Variants in NINJ2 observed in about 807,000 individuals in gnomAD.
NINJ2 encodes ninjurin-2.
A neutral mutation model predicts 11.7 loss-of-function variants in NINJ2; 12 were observed. The ratio of observed to expected loss-of-function variants is 1.02; its 90% CI spans 0.66 to 1.66. NINJ2 has a LOEUF of 1.66. NINJ2 is among the 40% of genes most tolerant of loss of function. The pLI, the probability that NINJ2 is intolerant of heterozygous loss-of-function variation, is 0.00. For missense variants in NINJ2, 187 were observed against 181.8 expected, an observed-to-expected ratio of 1.03 and a Z score of -0.16; for synonymous variants, 93 against 76.8, an observed-to-expected ratio of 1.21 and a Z score of -1.10.
chr12:661,694 A>G (rs1937960017), intron 1 of NINJ2, among the ~76,000 whole-genome samples: 1 of 152,226 alleles, frequency 6.6e-6, no homozygotes, highest in South Asian at 2.1e-4. Flanking sequence ...AAGCAGCAAC[A>G]CAATTTCCTT....
chr12:610,382 G>T, intron 1 of NINJ2: 1 of 1,535,540 alleles, frequency 6.5e-7, no homozygotes. Context: ...TTGCTGACTT[G>T]GAACTGAAGC....
intron 1 of NINJ2, among the ~76,000 whole-genome samples, chr12:570,639 C>CCGGACTCTT (rs1947363310): frequency 6.6e-6 from 1 of 152,194 alleles, no homozygotes; most frequent in African/African-American, 2.4e-5. Flanking sequence ...TCCCGTTTCG[C>CCGGACTCTT]CGGACTCTTC....
At chr12:577,448 T>TATACATATA in intron 1 of NINJ2, among the ~76,000 whole-genome samples, 3 of 141,978 alleles carry the variant, frequency 2.1e-5, no homozygotes, top group Non-Finnish European at 4.6e-5. Flanking sequence ...TATATAAATA[T>TATACATATA]TTTGGCACGA....
intron 1 of NINJ2, among the ~76,000 whole-genome samples, chr12:601,983 G>C (rs569112116): frequency 1.2e-4 from 19 of 152,206 alleles, no homozygotes; most frequent in Non-Finnish European, 2.5e-4. Context: ...TTAAGGTACT[G>C]ACATCCCCAG....
intron 1 of NINJ2, among the ~76,000 whole-genome samples, chr12:629,896 A>AT (rs1555166136): frequency 2.0e-3 from 20 of 9,896 alleles, no homozygotes; most frequent in Admixed American, 2.9e-3. Context: ...AAAAAAAAAA[A>AT]ATATATATAT....
chr12:663,287 A>G (rs772123833), intron 1 of NINJ2, 41 bp downstream of exon 1: 4 of 1,581,078 alleles, frequency 2.5e-6, no homozygotes, highest in South Asian at 2.2e-5. Context: ...CTTCACCTCT[A>G]CTCCCGGTCT....
At chr12:601,357 T>C (rs2109551) in intron 1 of NINJ2, among the ~76,000 whole-genome samples, 16,248 of 149,010 alleles carry the variant, frequency 0.11, 1,334 homozygotes, top group African/African-American at 0.23. Context: ...CCATCCTGGC[T>C]AACACAGTGA....
intron 1 of NINJ2, among the ~76,000 whole-genome samples, chr12:606,779 T>C (rs193217383): frequency 1.1e-3 from 172 of 152,260 alleles, no homozygotes; most frequent in African/African-American, 3.9e-3. Flanking sequence ...CTGGAAGGTG[T>C]GCGCCACCAA....
Position 627,201 on chromosome 12 carries a change from A to C in NINJ2, c.33+36127T>G, listed in dbSNP as rs117879028. Reference sequence around the variant, plus strand: ...AATTAAATCATAGCATCCAACCTGAAAAGCAATATATGGCAATAAGGAATT... The same window carrying C: ...AATTAAATCATAGCATCCAACCTGACAAGCAATATATGGCAATAAGGAATT... On this transcript the variant is annotated intron_variant, in intron 1 of 3. Transcript: ENST00000305108. Among the ~76,000 whole-genome samples the C allele has an allele frequency of 4.3e-3, 650 of 152,290 alleles. 33 individuals are homozygous for C. In the East Asian group the frequency reaches 0.11, roughly 25 times the overall value.
chr12:604,886 T>G (rs1947920610), intron 1 of NINJ2, among the ~76,000 whole-genome samples: 1 of 152,206 alleles, frequency 6.6e-6, no homozygotes, highest in East Asian at 1.9e-4. Context: ...AGAGGTTTGT[T>G]ATTTTCCAGA....
chr12:594,788 C>T (rs1373335957), intron 1 of NINJ2, among the ~76,000 whole-genome samples: 9 of 152,160 alleles, frequency 5.9e-5, no homozygotes, highest in Non-Finnish European at 1.3e-4. Flanking sequence ...CAATCCCAAT[C>T]AAAATCCCAG....
At chr12:646,184 C>G (rs1257700253) in intron 1 of NINJ2, among the ~76,000 whole-genome samples, 1 of 152,192 alleles carries the variant, frequency 6.6e-6, no homozygotes, top group Non-Finnish European at 1.5e-5. Flanking sequence ...TAAGCCTTGT[C>G]TACCCTGTGC....
rs1211975223 is a variant in NINJ2 at position 633,551 on chromosome 12, C to T, written c.33+29777G>A. On this transcript the variant is annotated intron_variant, in intron 1 of 3. Coordinates refer to ENST00000305108, the MANE Select transcript of NINJ2 (RefSeq NM_016533.6). The surrounding 1 kb of genome is among the most constrained non-coding windows in gnomAD (Gnocchi z 4.3). ...ACTTCTGAGGCTGGGCCCAGTGGCC[C>T]ATGCCCGTAATCCCAGCACTTTGGG... 6.6e-6 allele frequency among the ~76,000 whole-genome samples: 1 copy of T among 152,176 alleles called. No individual in the cohort carries two copies. Among genetic ancestry groups the T allele is most frequent in the Non-Finnish European group, 1.5e-5 (1 of 68,020 alleles).
chr12:654,506 A>G (rs1937843433), intron 1 of NINJ2, among the ~76,000 whole-genome samples: 2 of 146,512 alleles, frequency 1.4e-5, no homozygotes, highest in Non-Finnish European at 3.0e-5. Flanking sequence ...AGGCAACAAG[A>G]GTGAAACTCC....
intron 1 of NINJ2, among the ~76,000 whole-genome samples, chr12:596,862 C>T (rs1431376325): frequency 1.3e-5 from 2 of 151,218 alleles, no homozygotes; most frequent in Non-Finnish European, 2.9e-5. Context: ...GTCGAGGTTG[C>T]AGTGAGCCAT....
chr12:595,677 C>T (rs1003991272), intron 1 of NINJ2, among the ~76,000 whole-genome samples: 3 of 151,866 alleles, frequency 2.0e-5, no homozygotes, highest in Non-Finnish European at 2.9e-5. Context: ...GGCTTGAACC[C>T]GGGAGGCGGA....
chr12:575,576 C>G (rs921133712), intron 1 of NINJ2, among the ~76,000 whole-genome samples: 5 of 152,202 alleles, frequency 3.3e-5, no homozygotes, highest in Admixed American at 3.3e-4. Context: ...CCTGTGCTGG[C>G]CTTGGGCGTT....
rs573248159 is a variant in NINJ2, at chr12:659,822, C to T, written c.33+3506G>A. Among the ~76,000 whole-genome samples, 10 of 152,274 alleles carry T rather than the reference C, an allele frequency of 6.6e-5. 1 individual carries two copies. The South Asian group carries it at 2.1e-3, about 32-fold the overall frequency. On this transcript the variant is annotated intron_variant, in intron 1 of 3. Coordinates refer to ENST00000305108, the MANE Select transcript of NINJ2 (RefSeq NM_016533.6). The stretch of plus-strand genomic sequence containing the variant: ...CAACGTCTCAGTGCAGTAGTAGGTG[C>T]GGGCACACACACCTGTGATCCATGT...
At position 585,409 on chromosome 12, in the gene NINJ2, C is replaced by G. The variant is rs144735327; in HGVS notation, c.34-19231G>C. Reference sequence around the variant, plus strand: ...GACAATCCCACACCAGGAAGCCCCACGATTCAACAGCACCACCCAGGATTT... The same window carrying G: ...GACAATCCCACACCAGGAAGCCCCAGGATTCAACAGCACCACCCAGGATTT... On this transcript the variant is annotated intron_variant, in intron 1 of 3. Transcript: ENST00000305108. The surrounding 1 kb of genome is among the most constrained non-coding windows in gnomAD (Gnocchi z 4.1). Among the ~76,000 whole-genome samples, 5 of 152,290 alleles carry G rather than the reference C, an allele frequency of 3.3e-5. No individual in the cohort carries two copies. The highest frequency in any genetic ancestry group is 1.2e-4 in the African/African-American group (5 of 41,548).
Sources: allele counts gnomAD v4.1 joint callset (sites outside exome capture counted in the v4.1 genomes callset), GRCh38; gene constraint gnomAD v4.1.1; non-coding constraint Gnocchi (gnomAD v3.1); transcripts MANE v1.5; gene names NCBI Gene and HGNC (gene_info 2026-07-23, HGNC 2026-07-21).